Variants in SLC12A1 observed in about 807,000 individuals in gnomAD.
The protein encoded by SLC12A1 is solute carrier family 12 member 1.
In SLC12A1, 89 loss-of-function variants were observed where a neutral mutation model predicts 130.4. That is an observed-to-expected ratio of 0.68 (90% CI 0.58 to 0.81). SLC12A1 has a LOEUF of 0.81. SLC12A1 is among the 40% of genes least tolerant of loss of function. The pLI is 0.00. For missense variants in SLC12A1, 1,310 were observed against 1,336.4 expected, an observed-to-expected ratio of 0.98 and a Z score of 0.31; for synonymous variants, 499 against 460.0, an observed-to-expected ratio of 1.08 and a Z score of -1.09.
At chr15:48,288,972 T>C (rs530039102) in intron 23 of SLC12A1, among the ~76,000 whole-genome samples, 53 of 152,254 alleles carry the variant, frequency 3.5e-4, no homozygotes, top group African/African-American at 1.0e-3. Context: ...ACCTGGGTTC[T>C]AGCCCCAGCT....
At chr15:48,252,328 CA>C (rs2041657832) in intron 15 of SLC12A1, among the ~76,000 whole-genome samples, 1 of 152,138 alleles carries the variant, frequency 6.6e-6, no homozygotes, top group South Asian at 2.1e-4. Context: ...AACTGGGGTT[CA>C]AAGAGTTGAC....
chr15:48,260,340 T>A (rs1344561892), intron 17 of SLC12A1, among the ~76,000 whole-genome samples: 1 of 86,784 alleles, frequency 1.2e-5, no homozygotes, highest in Non-Finnish European at 2.2e-5. Flanking sequence ...TCTCTCTCTC[T>A]CTCTCTATCA....
At chr15:48,261,344 T>A (rs2041773191) in intron 17 of SLC12A1, among the ~76,000 whole-genome samples, 2 of 152,180 alleles carry the variant, frequency 1.3e-5, no homozygotes, top group Admixed American at 1.3e-4. Flanking sequence ...TACAGGAGGA[T>A]AGTGCTGGAA....
At chr15:48,232,976 G>T (rs1283376944) in intron 8 of SLC12A1, 138 bp downstream of exon 8, 1 of 634,646 alleles carries the variant, frequency 1.6e-6, no homozygotes, top group South Asian at 2.0e-5. Flanking sequence ...AAGCCCAAAA[G>T]AAATGGGAAG....
chr15:48,215,447 T>C (rs555482181), intron 2 of SLC12A1, among the ~76,000 whole-genome samples: 47 of 152,342 alleles, frequency 3.1e-4, no homozygotes, highest in African/African-American at 1.1e-3. Context: ...AGAATACATT[T>C]ATAAAAGGTT....
chr15:48,277,197 T>G, intron 20 of SLC12A1, among the ~76,000 whole-genome samples: 1 of 148,758 alleles, frequency 6.7e-6, no homozygotes, highest in East Asian at 2.0e-4. Context: ...CACAAGAGAG[T>G]GAAAAAATTG....
chr15:48,263,005 A>C (rs1238794655), intron 17 of SLC12A1, among the ~76,000 whole-genome samples: 1 of 152,186 alleles, frequency 6.6e-6, no homozygotes, highest in East Asian at 1.9e-4. Context: ...CAAACCAATC[A>C]TCCCAGATAA....
rs1308842582 is a variant in SLC12A1 at position 48,247,370 on chromosome 15, C to A, written c.1594C>A (p.Gln532Lys). Residue 532 changes from glutamine to lysine, a missense_variant, in exon 13 of 27, where the codon CAG (glutamine) becomes AAG (lysine). Gln to Lys is a moderately conservative substitution (Grantham distance 53, BLOSUM62 1). Transcript: ENST00000380993. ...CAAGGACAACATCTACAAAGCCCTG[C>A]AGTTTTTTGCAAAGGGATATGGGAA... ...LCKDNIYKALQFFAKGYGKNN... is the reference protein window; with the variant it reads ...LCKDNIYKALKFFAKGYGKNN... 3 of 1,613,366 alleles carry A rather than the reference C, an allele frequency of 1.9e-6. No homozygotes were observed. The highest frequency in any genetic ancestry group is 2.2e-5 in the South Asian group (2 of 90,966).
intron 5 of SLC12A1, chr15:48,227,264 CT>C: frequency 2.1e-6 from 2 of 964,824 alleles, no homozygotes; most frequent in Non-Finnish European, 1.6e-6. Context: ...TAACATATTG[CT>C]AATTAGTCCC....
intron 9 of SLC12A1, chr15:48,237,105 G>A (rs780892439): frequency 1.5e-6 from 1 of 685,606 alleles, no homozygotes; most frequent in South Asian, 1.6e-5. Context: ...AAAGGAAAGA[G>A]GAAGCAGAAA....
chr15:48,210,551 GGT>G (rs2041039643), intron 2 of SLC12A1, among the ~76,000 whole-genome samples: 1 of 152,044 alleles, frequency 6.6e-6, no homozygotes, highest in African/African-American at 2.4e-5. Flanking sequence ...TGAAGGAACA[GGT>G]GTTTAGAAAG....
intron 16 of SLC12A1, among the ~76,000 whole-genome samples, chr15:48,257,619 A>G (rs930801400): frequency 6.6e-6 from 1 of 152,178 alleles, no homozygotes; most frequent in African/African-American, 2.4e-5. Flanking sequence ...TTCTGAAGCC[A>G]CCATCCAAGC....
intron 17 of SLC12A1, among the ~76,000 whole-genome samples, chr15:48,262,241 GC>G (rs1157655417): frequency 2.6e-5 from 4 of 152,108 alleles, no homozygotes; most frequent in Non-Finnish European, 5.9e-5. Context: ...AAGACAGCAG[GC>G]TCTGGGCTCC....
chr15:48,258,128 G>A (rs1302559009), intron 16 of SLC12A1, among the ~76,000 whole-genome samples: 2 of 120,602 alleles, frequency 1.7e-5, no homozygotes, highest in Non-Finnish European at 3.1e-5. Context: ...TTGGGAGGCC[G>A]AGGCGGGCGG....
At chr15:48,284,724 C>T (rs764146849) in intron 20 of SLC12A1, among the ~76,000 whole-genome samples, 82 of 152,202 alleles carry the variant, frequency 5.4e-4, no homozygotes, top group Non-Finnish European at 1.0e-3. Flanking sequence ...ACTGCAGCCT[C>T]TACCTCCCAG....
rs2042260955 is a variant in SLC12A1 at position 48,304,001 on chromosome 15, G to A, written c.*1116G>A. On this transcript the variant is annotated 3_prime_UTR_variant, in exon 27 of 27. Coordinates refer to ENST00000380993, the MANE Select transcript of SLC12A1 (RefSeq NM_000338.3). ...GATGAATGGCTTGATTTTTCTCCTT[G>A]ACATGTTTTGACTGTTCATTCTAAC... is the stretch of plus-strand genomic sequence containing the variant. 1 of 152,042 alleles carries A rather than the reference G, an allele frequency of 6.6e-6. No individual in the cohort carries two copies. Among genetic ancestry groups the A allele is most frequent in the African/African-American group, 2.4e-5 (1 of 41,398 alleles). 9.4% of individuals were successfully genotyped at this position (152,042 alleles called of 1,614,324 possible).
intron 9 of SLC12A1, among the ~76,000 whole-genome samples, chr15:48,238,302 G>T (rs1361217308): frequency 2.0e-5 from 3 of 152,164 alleles, no homozygotes; most frequent in Non-Finnish European, 4.4e-5. Flanking sequence ...TAGTGAGTGG[G>T]TAGCTAGATG....
At chr15:48,210,985 T>C (rs147870083) in intron 2 of SLC12A1, among the ~76,000 whole-genome samples, 165 of 152,258 alleles carry the variant, frequency 1.1e-3, no homozygotes, top group African/African-American at 4.0e-3. Flanking sequence ...AAAATGAAAC[T>C]AAAGACTGAA....
intron 5 of SLC12A1, chr15:48,228,748 T>C (rs924856853): frequency 1.9e-5 from 3 of 159,452 alleles, no homozygotes; most frequent in African/African-American, 4.8e-5. Context: ...ATTTTACATA[T>C]ATACACAACA....
Sources: gnomAD v4.1 joint callset for allele counts (sites outside exome capture counted in the v4.1 genomes callset) on GRCh38, gnomAD v4.1.1 for gene constraint, MANE v1.5 for transcripts, NCBI Gene and HGNC (gene_info 2026-07-23, HGNC 2026-07-21) for gene names.